Variants in PLOD2 observed in about 807,000 individuals in gnomAD.
The protein encoded by PLOD2 is procollagen-lysine,2-oxoglutarate 5-dioxygenase 2.
PLOD2 carries 65 observed loss-of-function variants against 101.0 expected under a neutral mutation model. The observed-to-expected ratio is 0.64, with a 90% CI of 0.53 to 0.79. The LOEUF is 0.79. Among genes scored for constraint, PLOD2 ranks in the 30% least tolerant of loss-of-function variants. The pLI is 0.00. For missense variants in PLOD2, 909 were observed against 914.6 expected (o/e 0.99, Z 0.08); for synonymous variants, 314 against 302.9 (o/e 1.04, Z -0.38).
At chr3:146,078,903 G>A (rs989142682) in intron 13 of PLOD2, among the ~76,000 whole-genome samples, 11 of 151,736 alleles carry the variant, frequency 7.2e-5, no homozygotes, top group South Asian at 2.1e-4. Context: ...GAATTAGCCC[G>A]AGCACAAAAA....
At chr3:146,131,771 G>C (rs1180425045) in intron 1 of PLOD2, among the ~76,000 whole-genome samples, 1 of 152,124 alleles carries the variant, frequency 6.6e-6, no homozygotes, top group African/African-American at 2.4e-5. Flanking sequence ...TTGTTGCTTT[G>C]TTAAGTACTG....
In PLOD2 at chr3:146,070,461, G is replaced by C. The variant is rs1413144140; in HGVS notation, c.*256C>G. 1 of 244,328 alleles carries C rather than the reference G, an allele frequency of 4.1e-6. No individual in the cohort carries two copies. Among genetic ancestry groups the C allele is most frequent in the Admixed American group, 5.2e-5 (1 of 19,268 alleles). The allele number at this position is 244,328 out of a possible 1,614,324, so 15.1% of individuals were successfully genotyped here. A position where few individuals can be genotyped will look rare whatever the true frequency, so the allele number is the denominator to read the frequency against. ...TCATAAATTGTCATTATTCTCAGAG[G>C]CAACAAAGCATAGAAATAAATATTT... On this transcript the variant is annotated 3_prime_UTR_variant, in exon 20 of 20. Transcript: ENST00000282903.
At chr3:146,083,577 C>CTTTCTTTCTTTT (rs1936644092) in intron 11 of PLOD2, among the ~76,000 whole-genome samples, 1 of 75,792 alleles carries the variant, frequency 1.3e-5, no homozygotes, top group Admixed American at 1.4e-4. Flanking sequence ...AAGTCTTTTT[C>CTTTCTTTCTTTT]TTTTTTTTTT....
intron 10 of PLOD2, 70 bp downstream of exon 10, chr3:146,086,717 A>G: frequency 8.7e-7 from 1 of 1,149,736 alleles, no homozygotes; most frequent in Non-Finnish European, 1.2e-6. Flanking sequence ...ATTTTAATTT[A>G]AAAGTTTATT....
chr3:146,119,082 G>A (rs1044303745), intron 3 of PLOD2, among the ~76,000 whole-genome samples: 4 of 152,122 alleles, frequency 2.6e-5, no homozygotes, highest in African/African-American at 9.7e-5. Context: ...GGGGTTGGGT[G>A]GGAGGTGATT....
intron 11 of PLOD2, among the ~76,000 whole-genome samples, chr3:146,083,580 T>TTTTTC: frequency 9.2e-6 from 1 of 108,482 alleles, no homozygotes; most frequent in Middle Eastern, 5.4e-3. Context: ...TCTTTTTCTT[T>TTTTTC]TTTTTTTTTT....
intron 3 of PLOD2, among the ~76,000 whole-genome samples, chr3:146,115,049 G>A (rs998939277): frequency 3.3e-5 from 5 of 152,096 alleles, no homozygotes; most frequent in Admixed American, 6.6e-5. Flanking sequence ...TTGCGGCTTG[G>A]GGGGCAGCAC....
At chr3:146,098,443 T>TA (rs1559847590) in intron 7 of PLOD2, among the ~76,000 whole-genome samples, 1 of 152,170 alleles carries the variant, frequency 6.6e-6, no homozygotes, top group South Asian at 2.1e-4. Context: ...AAATATGTTT[T>TA]AAATAAAATG....
intron 1 of PLOD2, among the ~76,000 whole-genome samples, chr3:146,138,821 C>G (rs180713883): frequency 6.6e-6 from 1 of 152,122 alleles, no homozygotes; most frequent in Non-Finnish European, 1.5e-5. Flanking sequence ...ATAACAATGT[C>G]TACCATATAG....
rs1243319280 is a variant in PLOD2 at position 146,102,937 on chromosome 3, G to A, written c.680-85C>T. 4.1e-6 allele frequency: 3 copies of A among 731,270 alleles called. No individual in the cohort carries two copies. In the Admixed American group the frequency reaches 6.1e-5, roughly 15 times the overall value. The allele number at this position is 731,270 out of a possible 1,614,324, so 45.3% of individuals were successfully genotyped here. A position where few individuals can be genotyped will look rare whatever the true frequency, so the allele number is the denominator to read the frequency against. On this transcript the variant is annotated intron_variant, in intron 6 of 19. Coordinates refer to ENST00000282903, the MANE Select transcript of PLOD2 (RefSeq NM_182943.3). Reference sequence around the variant, plus strand: ...TTCGTGTGTCTGTGTGTGTATGTGTGTGTATCATCATTACAAAATTTCTCA... The same window carrying A: ...TTCGTGTGTCTGTGTGTGTATGTGTATGTATCATCATTACAAAATTTCTCA...
chr3:146,098,633 G>T (rs1006377487), intron 7 of PLOD2, among the ~76,000 whole-genome samples: 2 of 151,902 alleles, frequency 1.3e-5, no homozygotes, highest in African/African-American at 2.4e-5. Context: ...TTTTCCAATG[G>T]CATAAAATTT....
chr3:146,094,114 C>T (rs1037079901), intron 7 of PLOD2, among the ~76,000 whole-genome samples: 5 of 152,122 alleles, frequency 3.3e-5, no homozygotes, highest in Non-Finnish European at 5.9e-5. Context: ...TCTGGGCACT[C>T]CTGGGCTACT....
In PLOD2 at chr3:146,102,717, C is replaced by G. The variant is rs756463767; in HGVS notation, c.777+38G>C. The G allele has an allele frequency of 3.0e-6, 3 of 1,000,376 alleles. No homozygotes were observed. The African/African-American group carries it at 4.7e-5, about 16-fold the overall frequency. 62.0% of individuals were successfully genotyped at this position (1,000,376 alleles called of 1,614,324 possible). A position where few individuals can be genotyped will look rare whatever the true frequency, so the allele number is the denominator to read the frequency against. On this transcript the variant is annotated intron_variant, in intron 7 of 19. Transcript: ENST00000282903. The stretch of plus-strand genomic sequence containing the variant: ...TTCCACATATCAATCCATAGTCTAT[C>G]TCCAAGAATTGGCCAAATAAAAGTA...
chr3:146,070,741 A>G lies in PLOD2; in HGVS notation c.2253T>C (p.Ile751=). The G allele has an allele frequency of 6.2e-7, 1 of 1,607,612 alleles. No homozygotes were observed. Among genetic ancestry groups the G allele is most frequent in the South Asian group, 1.1e-5 (1 of 90,884 alleles). Residue 751 remains isoleucine, a synonymous_variant, in exon 20 of 20, where the codon ATT becomes ATC. Transcript: ENST00000282903. ...CTTAGGGATCTATAAATGACACTGC[A>G]ATGTATCTTGTTCCATTTTTAACAG... is the stretch of plus-strand genomic sequence containing the variant. The part of the protein sequence containing the change: ...GLPVKNGTRY[I]AVSFIDP
At chr3:146,108,188 GT>G in intron 4 of PLOD2, among the ~76,000 whole-genome samples, 1 of 151,414 alleles carries the variant, frequency 6.6e-6, no homozygotes, top group Non-Finnish European at 1.5e-5. Context: ...TCTTTTTGTT[GT>G]TGTTTTTGGA....
At chr3:146,080,732 C>T (rs796613662) in intron 12 of PLOD2, among the ~76,000 whole-genome samples, 4 of 152,250 alleles carry the variant, frequency 2.6e-5, no homozygotes, top group African/African-American at 9.6e-5. Flanking sequence ...AAGATACAAT[C>T]AGGTATATTG....
chr3:146,116,992 T>C (rs949156683), intron 3 of PLOD2, among the ~76,000 whole-genome samples: 51 of 152,144 alleles, frequency 3.4e-4, no homozygotes, highest in African/African-American at 1.1e-3. Flanking sequence ...TTTTAGCATG[T>C]CTAAATGGAA....
intron 13 of PLOD2, 139 bp downstream of exon 13, chr3:146,078,977 T>C (rs1300141548): frequency 1.3e-6 from 1 of 769,890 alleles, no homozygotes; most frequent in Admixed American, 2.1e-5. Flanking sequence ...ACTCCCAAAT[T>C]TTTTAACACA....
chr3:146,119,689 G>C (rs10935603), intron 3 of PLOD2, among the ~76,000 whole-genome samples: 41 of 151,136 alleles, frequency 2.7e-4, no homozygotes, highest in Non-Finnish European at 5.8e-4. Context: ...GAGAATATGC[G>C]GTGTTTGGTT....
Sources: gnomAD v4.1 joint callset for allele counts (sites outside exome capture counted in the v4.1 genomes callset) on GRCh38, gnomAD v4.1.1 for gene constraint, MANE v1.5 for transcripts, NCBI Gene and HGNC (gene_info 2026-07-23, HGNC 2026-07-21) for gene names.